MYH15: variants seen among roughly 807,000 people sequenced by gnomAD.
MYH15 encodes the protein myosin-15.
In MYH15, 227 loss-of-function variants were observed where a neutral mutation model predicts 240.5. That is an observed-to-expected ratio of 0.94 (90% CI 0.85 to 1.05). The LOEUF is 1.05. MYH15 is among the 50% of genes least tolerant of loss of function. The pLI is 0.00. For missense variants in MYH15, 2,217 were observed against 2,247.5 expected (o/e 0.99, Z 0.27); for synonymous variants, 785 against 796.7 (o/e 0.99, Z 0.25).
At position 108,439,719 on chromosome 3, in the gene MYH15, A is replaced by T; in HGVS notation, c.3075+18T>A. ...TATGTAGACAGATAGATAACTAACCAGATACACCGTTACTGACCTCATCAA... is the reference window on the plus strand; with the variant it reads ...TATGTAGACAGATAGATAACTAACCTGATACACCGTTACTGACCTCATCAA... On this transcript the variant is annotated intron_variant, in intron 24 of 40. Coordinates refer to ENST00000693548, the MANE Select transcript of MYH15 (RefSeq NM_014981.3). 1 of 1,542,996 alleles carries T rather than the reference A, an allele frequency of 6.5e-7. No homozygotes were observed. The highest frequency in any genetic ancestry group is 1.3e-5 in the South Asian group (1 of 78,130).
intron 6 of MYH15, 121 bp downstream of exon 6, chr3:108,497,931 A>G (rs922320599): frequency 1.5e-5 from 11 of 720,928 alleles, no homozygotes; most frequent in Non-Finnish European, 2.7e-5. Context: ...ACTTTTCTAT[A>G]ATTTGCAAAT....
At chr3:108,416,459 T>A (rs960500593) in intron 29 of MYH15, among the ~76,000 whole-genome samples, 12 of 152,190 alleles carry the variant, frequency 7.9e-5, no homozygotes, top group Non-Finnish European at 1.6e-4. Context: ...AAAGTAATAT[T>A]GAGCTAACCC....
chr3:108,512,969 T>C (rs1284863095), upstream of MYH15, among the ~76,000 whole-genome samples: 2 of 152,170 alleles, frequency 1.3e-5, no homozygotes, highest in African/African-American at 4.8e-5. Context: ...TCTATCTCCT[T>C]GGCCCCATCC....
At chr3:108,414,119 C>T (rs2082615273) in intron 30 of MYH15, 113 bp downstream of exon 30, 4 of 1,157,912 alleles carry the variant, frequency 3.5e-6, no homozygotes, top group African/African-American at 1.5e-5. Flanking sequence ...CTTGTTCCTG[C>T]ACTCGGCAAG....
intron 33 of MYH15, among the ~76,000 whole-genome samples, chr3:108,400,224 T>C (rs4273371): frequency 0.47 from 71,192 of 152,032 alleles, 16,849 homozygotes; most frequent in Non-Finnish European, 0.49. Context: ...TTGAATGTTA[T>C]TGACCGACTC....
intron 31 of MYH15, among the ~76,000 whole-genome samples, chr3:108,410,261 T>C (rs1034532303): frequency 6.6e-6 from 1 of 152,142 alleles, no homozygotes; most frequent in Non-Finnish European, 1.5e-5. Flanking sequence ...TAGAACAATA[T>C]GCAATTTGGG....
the MYH15 span, among the ~76,000 whole-genome samples, chr3:108,546,174 G>C: frequency 6.6e-6 from 1 of 152,196 alleles, no homozygotes; most frequent in Middle Eastern, 3.4e-3. Context: ...GATTAACTGT[G>C]GGTATTACAC....
intron 8 of MYH15, 88 bp downstream of exon 8, chr3:108,493,022 AAAGG>A (rs61139688): frequency 2.0e-4 from 134 of 682,960 alleles, no homozygotes; most frequent in Middle Eastern, 7.6e-4. Context: ...AGAAAGAAGA[AAAGG>A]AAGGAAGGAA....
chr3:108,542,336 CCCA>C, the MYH15 span, among the ~76,000 whole-genome samples: 2 of 152,066 alleles, frequency 1.3e-5, no homozygotes, highest in African/African-American at 4.8e-5. Context: ...ATGTCATGTA[CCCA>C]CCATTATAGT....
intron 1 of MYH15, chr3:108,529,214 T>C (rs755701055): frequency 2.5e-6 from 4 of 1,572,474 alleles, no homozygotes; most frequent in Non-Finnish European, 3.5e-6. Context: ...TGTCAGGCTA[T>C]TCAGCATTCT....
intron 10 of MYH15, among the ~76,000 whole-genome samples, chr3:108,485,991 A>C (rs2083302556): frequency 6.6e-6 from 1 of 152,246 alleles, no homozygotes; most frequent in Non-Finnish European, 1.5e-5. Flanking sequence ...TATCCACTTA[A>C]ATGTTTATGA....
intron 4 of MYH15, 98 bp from the exon 5 acceptor site, chr3:108,499,580 G>T: frequency 8.7e-7 from 1 of 1,147,610 alleles, no homozygotes; most frequent in South Asian, 1.3e-5. Context: ...TTTGAAATCA[G>T]ACACAAGGGA....
intron 11 of MYH15, among the ~76,000 whole-genome samples, chr3:108,483,202 TAAAAAAA>T: frequency 1.2e-5 from 1 of 81,110 alleles, no homozygotes; most frequent in Middle Eastern, 7.1e-3. Flanking sequence ...TCTGTCTCCA[TAAAAAAA>T]AAAAAAAAAA....
At chr3:108,427,293 A>C (rs2082731555) in intron 27 of MYH15, among the ~76,000 whole-genome samples, 1 of 152,228 alleles carries the variant, frequency 6.6e-6, no homozygotes, top group Admixed American at 6.5e-5. Context: ...ATTCATGTTG[A>C]AAGAATGGCC....
At chr3:108,520,004 T>A (rs2083605314) in intron 1 of MYH15, among the ~76,000 whole-genome samples, 1 of 152,188 alleles carries the variant, frequency 6.6e-6, no homozygotes, top group African/African-American at 2.4e-5. Context: ...AACTAGAATA[T>A]TATGTATTCC....
At chr3:108,396,516 C>T (rs927299522) in intron 35 of MYH15, among the ~76,000 whole-genome samples, 5 of 152,212 alleles carry the variant, frequency 3.3e-5, no homozygotes, top group African/African-American at 1.2e-4. Context: ...GCTCTCTCCC[C>T]TGCAGCTCAC....
chr3:108,385,047 C>T (rs1165739926), intron 38 of MYH15, among the ~76,000 whole-genome samples: 1 of 152,134 alleles, frequency 6.6e-6, no homozygotes, highest in Non-Finnish European at 1.5e-5. Flanking sequence ...TTCAGTCTTT[C>T]CAGCTCAACC....
At chr3:108,388,158 AG>A (rs1454863106) in intron 38 of MYH15, among the ~76,000 whole-genome samples, 2 of 152,192 alleles carry the variant, frequency 1.3e-5, no homozygotes, top group African/African-American at 2.4e-5. Context: ...TATCATGTGC[AG>A]TGTGAGAGGG....
At chr3:108,495,914 G>A (rs754035095) in intron 6 of MYH15, 42 bp from the exon 7 acceptor site, 2 of 1,449,034 alleles carry the variant, frequency 1.4e-6, no homozygotes, top group Non-Finnish European at 9.5e-7. Context: ...GAAACTATTA[G>A]TAGAATTCTG....
Sources: allele counts gnomAD v4.1 joint callset (sites outside exome capture counted in the v4.1 genomes callset), GRCh38; gene constraint gnomAD v4.1.1; transcripts MANE v1.5; gene names NCBI Gene and HGNC (gene_info 2026-07-23, HGNC 2026-07-21).